Variants in NDUFS1 observed in about 807,000 individuals in gnomAD.
The protein encoded by NDUFS1 is NADH-ubiquinone oxidoreductase 75 kDa subunit, mitochondrial.
In NDUFS1, 61 loss-of-function variants were observed where a neutral mutation model predicts 84.4. That is an observed-to-expected ratio of 0.72 (90% confidence interval 0.59 to 0.89). The LOEUF (loss-of-function observed/expected upper bound fraction) is 0.89, where lower values mean the gene tolerates loss of function less well. Ranked by LOEUF, NDUFS1 falls within the 40% of genes least tolerant of loss-of-function variation. The pLI is 0.00. For missense variants in NDUFS1, 891 were observed against 890.0 expected, an observed-to-expected ratio of 1.00 and a Z score of -0.01; for synonymous variants, 275 against 290.0, an observed-to-expected ratio of 0.95 and a Z score of 0.53.
At chr2:206,158,270 C>CT (rs1687754938) in intron 1 of NDUFS1, among the ~76,000 whole-genome samples, 1 of 152,148 alleles carries the variant, frequency 6.6e-6, no homozygotes, top group Non-Finnish European at 1.5e-5. Context: ...CCTTCAATAG[C>CT]TTAACAGGTC....
chr2:206,155,308 G>A (rs902090041), intron 1 of NDUFS1, among the ~76,000 whole-genome samples: 1 of 151,860 alleles, frequency 6.6e-6, no homozygotes, highest in South Asian at 2.1e-4. Flanking sequence ...GTAGAGACGG[G>A]GTTTCATCGT....
rs1287373652 is a variant in NDUFS1, at chr2:206,124,190, A to G, written c.2179T>C (p.Cys727Arg). 15 of 1,605,436 alleles carry G rather than the reference A, an allele frequency of 9.3e-6. No individual in the cohort carries two copies. Among genetic ancestry groups the G allele is most frequent in the Admixed American group, 5.0e-5 (3 of 59,974 alleles). ...GAQAVEEPSI[C>R] is the part of the protein sequence containing the mutation. ...CTGGGATCCTAGTAGAAGCTTCAGC[A>G]TATGGATGGTTCCTCTACTGCCTGG... The change falls in exon 19 of 19, where the codon TGC (cysteine) becomes CGC (arginine). Residue 727 changes from cysteine to arginine, a missense_variant. By Grantham distance (180) the Cys-to-Arg change is radical (BLOSUM62 -3). Coordinates refer to ENST00000233190, the MANE Select transcript of NDUFS1 (RefSeq NM_005006.7).
intron 13 of NDUFS1, 60 bp downstream of exon 13, chr2:206,138,421 CAGTT>C: frequency 6.5e-7 from 1 of 1,548,908 alleles, no homozygotes; most frequent in Admixed American, 1.7e-5. Flanking sequence ...ATTACAAAAA[CAGTT>C]AAGTTTAAAT....
chr2:206,129,944 T>G, intron 15 of NDUFS1, 144 bp downstream of exon 15: 1 of 858,024 alleles, frequency 1.2e-6, no homozygotes. Context: ...CACTTGTGGT[T>G]TGTTTAAAAA....
chr2:206,140,121 G>A (rs765930477), intron 12 of NDUFS1, among the ~76,000 whole-genome samples: 1 of 152,124 alleles, frequency 6.6e-6, no homozygotes, highest in Non-Finnish European at 1.5e-5. Context: ...AAGGCAGGAG[G>A]AACACTTGAG....
At chr2:206,139,989 GA>G (rs370165912) in intron 12 of NDUFS1, among the ~76,000 whole-genome samples, 3,946 of 147,614 alleles carry the variant, frequency 0.027, 84 homozygotes, top group African/African-American at 0.059. Flanking sequence ...AAGAAATTAT[GA>G]AAAAAAAAAT....
intron 3 of NDUFS1, among the ~76,000 whole-genome samples, chr2:206,150,331 T>C (rs749719154): frequency 6.6e-6 from 1 of 152,214 alleles, no homozygotes; most frequent in Non-Finnish European, 1.5e-5. Flanking sequence ...GCTGGCTATC[T>C]GTCTTTGGCT....
chr2:206,156,937 C>T (rs1687677941), intron 1 of NDUFS1, among the ~76,000 whole-genome samples: 1 of 152,178 alleles, frequency 6.6e-6, no homozygotes, highest in Admixed American at 6.5e-5. Context: ...TCAACTTAGG[C>T]AATACTGGCC....
intron 15 of NDUFS1, among the ~76,000 whole-genome samples, 166 bp downstream of exon 15, chr2:206,129,922 T>C (rs958863516): frequency 6.6e-6 from 1 of 152,068 alleles, no homozygotes; most frequent in East Asian, 1.9e-4. Flanking sequence ...GTATCAATTA[T>C]GTAACTAATA....
chr2:206,139,253 T>G (rs1691842393), intron 12 of NDUFS1, among the ~76,000 whole-genome samples: 1 of 152,078 alleles, frequency 6.6e-6, no homozygotes, highest in African/African-American at 2.4e-5. Context: ...TGGCGCAATC[T>G]CGACTCACTG....
rs1213737136 is a variant in NDUFS1 at position 206,121,222 on chromosome 2, G to A, written c.*2963C>T. ...TAAAGAGACTTGATCTTGAGCCTTT[G>A]TAGATTTTCTCATTGGTGATTCCTT... is the stretch of plus-strand genomic sequence containing the variant. On this transcript the variant is annotated 3_prime_UTR_variant, in exon 19 of 19. Transcript: ENST00000233190. 1 of 152,062 alleles carries A rather than the reference G, an allele frequency of 6.6e-6. No homozygotes were observed. Among genetic ancestry groups the A allele is most frequent in the African/African-American group, 2.4e-5 (1 of 41,412 alleles). The allele number at this position is 152,062 out of a possible 1,614,324, so 9.4% of individuals were successfully genotyped here.
chr2:206,137,979 T>C (rs372935475), intron 13 of NDUFS1, among the ~76,000 whole-genome samples: 14 of 152,342 alleles, frequency 9.2e-5, no homozygotes, highest in South Asian at 4.1e-4. Flanking sequence ...TCCATCTTGC[T>C]TTGCTCTCTA....
chr2:206,156,241 C>G (rs189492346), intron 1 of NDUFS1, among the ~76,000 whole-genome samples: 6 of 122,352 alleles, frequency 4.9e-5, no homozygotes, highest in African/African-American at 1.6e-4. Flanking sequence ...CCAGCCTGGG[C>G]GACAGAGCAA....
intron 12 of NDUFS1, among the ~76,000 whole-genome samples, chr2:206,139,726 T>TC (rs1484071858): frequency 1.3e-5 from 2 of 151,912 alleles, no homozygotes; most frequent in East Asian, 3.8e-4. Flanking sequence ...CTTTTTTTTT[T>TC]CCCTGTTATC....
intron 14 of NDUFS1, among the ~76,000 whole-genome samples, chr2:206,132,087 T>A (rs1268661391): frequency 6.6e-6 from 1 of 151,978 alleles, no homozygotes; most frequent in Admixed American, 6.6e-5. Flanking sequence ...ATCATGCCAC[T>A]GTACTTCAGA....
chr2:206,130,552 A>G (rs568755631), intron 14 of NDUFS1, among the ~76,000 whole-genome samples: 1 of 151,994 alleles, frequency 6.6e-6, no homozygotes, highest in Non-Finnish European at 1.5e-5. Flanking sequence ...ATGGGGTTTC[A>G]CCATGTTGGC....
Position 206,116,321 on chromosome 2 carries a change from T to G in NDUFS1, c.*7864A>C, listed in dbSNP as rs1690941350. 1 of 902,348 alleles carries G rather than the reference T, an allele frequency of 1.1e-6. No homozygotes were observed. The highest frequency in any genetic ancestry group is 1.9e-6 in the Non-Finnish European group (1 of 529,736). 55.9% of individuals were successfully genotyped at this position (902,348 alleles called of 1,614,324 possible). A position where few individuals can be genotyped will look rare whatever the true frequency, so the allele number is the denominator to read the frequency against. On this transcript the variant is annotated 3_prime_UTR_variant, in exon 19 of 19. Transcript: ENST00000233190. ...GAGTTCACTAGCAGCTTTCACACTC[T>G]CCAAAGCACCAAACTCATCTTGTTT... is the stretch of plus-strand genomic sequence containing the variant.
rs376009861 is a variant in NDUFS1 at position 206,142,098 on chromosome 2, T to G, written c.1134-29A>C. ...GAAATACAATATATAAAATGCAAAT[T>G]TACTTTAAAATTAAGACATACAGAG... On this transcript the variant is annotated intron_variant, in intron 11 of 18. Coordinates refer to ENST00000233190, the MANE Select transcript of NDUFS1 (RefSeq NM_005006.7). 1.3e-5 allele frequency: 20 copies of G among 1,554,468 alleles called. No individual in the cohort carries two copies. In the African/African-American group the frequency reaches 2.2e-4, roughly 17 times the overall value.
intron 11 of NDUFS1, 35 bp from the exon 12 acceptor site, chr2:206,142,104 T>C: frequency 6.6e-7 from 1 of 1,525,638 alleles, no homozygotes. Context: ...AAATTTACTT[T>C]AAAATTAAGA....
Sources: allele counts gnomAD v4.1 joint callset (sites outside exome capture counted in the v4.1 genomes callset), GRCh38; gene constraint gnomAD v4.1.1; transcripts MANE v1.5; gene names NCBI Gene and HGNC (gene_info 2026-07-23, HGNC 2026-07-21).